The following MIPOL1 variants were observed in gnomAD, a reference collection of about 807,000 sequenced individuals.
The protein encoded by MIPOL1 is mirror-image polydactyly gene 1 protein.
In MIPOL1, 57 loss-of-function variants were observed where a neutral mutation model predicts 60.9. The ratio of observed to expected loss-of-function variants is 0.94; its 90% CI spans 0.76 to 1.17. MIPOL1 has a LOEUF of 1.17. Ranked by LOEUF, MIPOL1 falls within the 50% of genes most tolerant of loss-of-function variation. The probability of loss-of-function intolerance (pLI) is 0.00; values close to 1 mark genes in which losing one functional copy is unlikely to be tolerated. For synonymous variants in MIPOL1, 179 were observed against 168.8 expected, an observed-to-expected ratio of 1.06 and a Z score of -0.47; for missense variants, 551 against 511.6, an observed-to-expected ratio of 1.08 and a Z score of -0.74.
intron 12 of MIPOL1, among the ~76,000 whole-genome samples, chr14:37,522,338 A>G (rs1465066166): frequency 1.3e-5 from 2 of 152,328 alleles, no homozygotes; most frequent in African/African-American, 4.8e-5. Context: ...AGAATAGTTT[A>G]CCATATAACA....
intron 11 of MIPOL1, among the ~76,000 whole-genome samples, chr14:37,458,800 C>T (rs889228139): frequency 1.3e-5 from 2 of 151,546 alleles, no homozygotes; most frequent in African/African-American, 2.4e-5. Flanking sequence ...TGCAGTGAGC[C>T]GAGATTGTGC....
chr14:37,455,347 G>C (rs2094465504), intron 11 of MIPOL1, among the ~76,000 whole-genome samples: 1 of 152,014 alleles, frequency 6.6e-6, no homozygotes, highest in South Asian at 2.1e-4. Context: ...CTCTACACCT[G>C]ATTTTGTTCT....
At position 37,236,399 on chromosome 14, in the gene MIPOL1, C is replaced by T. The variant is rs529390196; in HGVS notation, c.-198-10704C>T. ...CAAGCCCCCCTCCCACTTTTTTTGT[C>T]TATTGAAGGCTGTAGTAGTGTGTTT... On this transcript the variant is annotated intron_variant, in intron 1 of 12. Coordinates refer to ENST00000684589, the MANE Select transcript of MIPOL1 (RefSeq NM_001388067.1). Among the ~76,000 whole-genome samples the T allele has an allele frequency of 5.9e-5, 9 of 151,994 alleles. No individual in the cohort carries two copies. In the East Asian group the frequency reaches 1.7e-3, roughly 29 times the overall value.
intron 12 of MIPOL1, among the ~76,000 whole-genome samples, chr14:37,519,792 T>G (rs1594847603): frequency 6.6e-6 from 1 of 152,136 alleles, no homozygotes; most frequent in African/African-American, 2.4e-5. Flanking sequence ...TGAATGGTAT[T>G]TTATGTTTAG....
intron 1 of MIPOL1, among the ~76,000 whole-genome samples, chr14:37,218,669 C>T (rs1968178980): frequency 6.6e-6 from 1 of 151,866 alleles, no homozygotes; most frequent in South Asian, 2.1e-4. Flanking sequence ...TGTGTGATGG[C>T]TCACACCCAG....
At chr14:37,290,020 C>T (rs2153415529) in intron 7 of MIPOL1, among the ~76,000 whole-genome samples, 1 of 152,322 alleles carries the variant, frequency 6.6e-6, no homozygotes, top group Non-Finnish European at 1.5e-5. Context: ...AAAGGAAGAG[C>T]TCATAAATAC....
intron 9 of MIPOL1, among the ~76,000 whole-genome samples, chr14:37,313,697 A>G (rs1358013525): frequency 6.6e-6 from 1 of 152,182 alleles, no homozygotes; most frequent in Non-Finnish European, 1.5e-5. Context: ...GGACTCTATT[A>G]TAGGCGTAAT....
chr14:37,314,933 T>G (rs1201110458), intron 9 of MIPOL1, among the ~76,000 whole-genome samples: 2 of 152,198 alleles, frequency 1.3e-5, no homozygotes, highest in Non-Finnish European at 2.9e-5. Context: ...ATGTGCTGTG[T>G]GTTGGGAACT....
intron 10 of MIPOL1, among the ~76,000 whole-genome samples, chr14:37,374,761 A>T (rs773543716): frequency 1.3e-5 from 2 of 152,066 alleles, no homozygotes; most frequent in Admixed American, 6.6e-5. Context: ...GTTTTCCTAC[A>T]AGTACCATGC....
chr14:37,445,294 C>G (rs2094315921), intron 11 of MIPOL1, among the ~76,000 whole-genome samples: 1 of 152,014 alleles, frequency 6.6e-6, no homozygotes, highest in African/African-American at 2.4e-5. Flanking sequence ...AGACAGAGAA[C>G]CAAATCATGA....
intron 9 of MIPOL1, among the ~76,000 whole-genome samples, chr14:37,367,743 T>A (rs1297360178): frequency 6.6e-6 from 1 of 152,058 alleles, no homozygotes; most frequent in African/African-American, 2.4e-5. Flanking sequence ...ATTTTAATCT[T>A]AATAATTTTA....
At chr14:37,478,156 G>A (rs58247662) in intron 11 of MIPOL1, among the ~76,000 whole-genome samples, 20 of 152,230 alleles carry the variant, frequency 1.3e-4, no homozygotes, top group African/African-American at 3.9e-4. Context: ...TTGAAATTCC[G>A]TGCTTAAAGT....
intron 1 of MIPOL1, among the ~76,000 whole-genome samples, chr14:37,205,944 C>T (rs1278734952): frequency 1.3e-5 from 2 of 152,040 alleles, no homozygotes; most frequent in Admixed American, 6.6e-5. Context: ...GCCTGAAACA[C>T]ATTCGGTTTT....
chr14:37,304,121 A>G (rs2086577469), intron 7 of MIPOL1, among the ~76,000 whole-genome samples: 1 of 151,846 alleles, frequency 6.6e-6, no homozygotes. Flanking sequence ...ATTTGGGGGC[A>G]TCGAGTATAC....
intron 11 of MIPOL1, among the ~76,000 whole-genome samples, chr14:37,478,006 A>C (rs866752595): frequency 3.2e-4 from 48 of 152,244 alleles, no homozygotes; most frequent in African/African-American, 1.1e-3. Context: ...GAAAAAGAAG[A>C]AGCGTTTATG....
intron 9 of MIPOL1, among the ~76,000 whole-genome samples, chr14:37,322,745 T>C (rs1008141584): frequency 1.3e-5 from 2 of 152,174 alleles, no homozygotes; most frequent in South Asian, 2.1e-4. Context: ...GAGCTTTTTT[T>C]CATGTATTTC....
chr14:37,267,692 G>C (rs539902708), intron 4 of MIPOL1, among the ~76,000 whole-genome samples: 1 of 152,262 alleles, frequency 6.6e-6, no homozygotes, highest in African/African-American at 2.4e-5. Context: ...AAGTGCATCT[G>C]AAGAAAGACA....
chr14:37,468,183 T>TGC (rs1209223261), intron 11 of MIPOL1, among the ~76,000 whole-genome samples: 2 of 151,862 alleles, frequency 1.3e-5, no homozygotes, highest in Non-Finnish European at 2.9e-5. Flanking sequence ...TGTGTGTGTG[T>TGC]GCAATTGTGT....
intron 11 of MIPOL1, among the ~76,000 whole-genome samples, chr14:37,431,934 A>T (rs7145671): frequency 0.23 from 34,447 of 151,782 alleles, 4,431 homozygotes; most frequent in South Asian, 0.36. Context: ...TCCCAGTTTC[A>T]TTCATATTTG....
Sources: allele counts gnomAD v4.1 joint callset (sites outside exome capture counted in the v4.1 genomes callset), GRCh38; gene constraint gnomAD v4.1.1; transcripts MANE v1.5; gene names NCBI Gene and HGNC (gene_info 2026-07-23, HGNC 2026-07-21).